Variants in ZHX2 observed in about 807,000 individuals in gnomAD.
ZHX2 encodes zinc fingers and homeoboxes protein 2.
ZHX2 carries 6 observed loss-of-function variants against 21.9 expected under a neutral mutation model. The observed-to-expected ratio is 0.27, with a 90% CI of 0.15 to 0.54. The LOEUF (loss-of-function observed/expected upper bound fraction) is 0.54, where lower values mean the gene tolerates loss of function less well. Among genes scored for constraint, ZHX2 ranks in the 20% least tolerant of loss-of-function variants. The pLI is 0.95. For missense variants in ZHX2, 908 were observed against 1,090.7 expected (o/e 0.83, Z 2.36); for synonymous variants, 434 against 437.1 (o/e 0.99, Z 0.09).
chr8:122,811,447 G>T (rs1446096557), intron 1 of ZHX2, among the ~76,000 whole-genome samples: 1 of 152,192 alleles, frequency 6.6e-6, no homozygotes, highest in Non-Finnish European at 1.5e-5. Context: ...AGAATATGAT[G>T]CAGGTTCACT....
At chr8:122,970,216 G>A (rs1563612619) in intron 3 of ZHX2, among the ~76,000 whole-genome samples, 1 of 152,196 alleles carries the variant, frequency 6.6e-6, no homozygotes, top group Non-Finnish European at 1.5e-5. Context: ...AGGGGAGTTA[G>A]CAAGAGCCAC....
chr8:122,930,381 G>A (rs1563589159), intron 2 of ZHX2, among the ~76,000 whole-genome samples: 2 of 152,222 alleles, frequency 1.3e-5, no homozygotes, highest in African/African-American at 4.8e-5. Flanking sequence ...AGGGATTGCG[G>A]AAGAATGGAC....
intron 2 of ZHX2, among the ~76,000 whole-genome samples, chr8:122,876,019 TCATCCATCCATCCCTCCACCCACCCATC>T (rs946178454): frequency 6.6e-6 from 1 of 151,836 alleles, no homozygotes; most frequent in African/African-American, 2.4e-5. Context: ...TCCATCCCAT[TCATCCATCCATCCCTCCACCCACCCATC>T]CATCCATCCA....
chr8:122,912,850 A>G (rs752627027), intron 2 of ZHX2, among the ~76,000 whole-genome samples: 1 of 151,966 alleles, frequency 6.6e-6, no homozygotes, highest in African/African-American at 2.4e-5. Flanking sequence ...AGGAATTTAG[A>G]TTTAAGAAAA....
In ZHX2 at chr8:122,782,442, CACCGGGACGTGG is replaced by C. The variant is rs1355937647; in HGVS notation, c.-283+497_-283+508del. ...AACGGGGCAGGTCCCGCGGGGACTC[CACCGGGACGTGG>C]CCCCGTCTCCGCGCGTTTTGGCAGG... On this transcript the variant is annotated intron_variant, in intron 1 of 3. Transcript: ENST00000314393. The surrounding 1 kb of genome is among the most constrained non-coding windows in gnomAD (Gnocchi z 5.3). 6.6e-6 allele frequency among the ~76,000 whole-genome samples: 1 copy of C among 152,098 alleles called. No homozygotes were observed. Among genetic ancestry groups the C allele is most frequent in the Non-Finnish European group, 1.5e-5 (1 of 67,990 alleles).
chr8:122,789,391 C>G (rs1246543637), intron 1 of ZHX2, among the ~76,000 whole-genome samples: 1 of 152,236 alleles, frequency 6.6e-6, no homozygotes, highest in East Asian at 1.9e-4. Flanking sequence ...CCCACCAGCC[C>G]CTGGGTGTAC....
chr8:122,881,228 C>A (rs192815658), intron 2 of ZHX2, among the ~76,000 whole-genome samples: 2 of 152,294 alleles, frequency 1.3e-5, no homozygotes, highest in Non-Finnish European at 2.9e-5. Context: ...GACATTGGAG[C>A]CTTTTAACTC....
chr8:122,877,685 C>G (rs879757690), intron 2 of ZHX2, among the ~76,000 whole-genome samples: 1 of 152,108 alleles, frequency 6.6e-6, no homozygotes, highest in Non-Finnish European at 1.5e-5. Context: ...GGAGGCCTGT[C>G]CCGGGGAAGT....
chr8:122,951,640 A>G lies in ZHX2; in HGVS notation c.130A>G (p.Lys44Glu). ...GIGTPQPDVA[K>E]DSWAAELENS... is the part of the protein sequence containing the mutation. ...CGGCACACCACAGCCTGACGTGGCC[A>G]AGGACAGTTGGGCAGCAGAACTTGA... The change falls in exon 3 of 4, where the codon AAG becomes GAG. Residue 44 changes from lysine to glutamate, a missense_variant. Physicochemically the swap from Lys to Glu is moderately conservative, Grantham distance 56. This residue lies in a region of ZHX2 where 220 missense variants were observed against 251.4 expected (regional missense o/e 0.88). Transcript: ENST00000314393. 1.2e-6 allele frequency: 2 copies of G among 1,614,072 alleles called. No homozygotes were observed. The highest frequency in any genetic ancestry group is 8.5e-7 in the Non-Finnish European group (1 of 1,180,004).
At chr8:122,868,754 A>G (rs188356595) in intron 2 of ZHX2, among the ~76,000 whole-genome samples, 7 of 151,906 alleles carry the variant, frequency 4.6e-5, no homozygotes, top group African/African-American at 1.7e-4. Flanking sequence ...CCTATGGTCA[A>G]GAGGCTGAGG....
At chr8:122,870,493 G>T (rs917856412) in intron 2 of ZHX2, among the ~76,000 whole-genome samples, 2 of 151,636 alleles carry the variant, frequency 1.3e-5, no homozygotes, top group African/African-American at 2.4e-5. Flanking sequence ...AAAAAAAATA[G>T]CTGGGCGTAG....
At chr8:122,965,243 C>T (rs1813552087) in intron 3 of ZHX2, among the ~76,000 whole-genome samples, 1 of 151,744 alleles carries the variant, frequency 6.6e-6, no homozygotes, top group Admixed American at 6.6e-5. Flanking sequence ...TGAGTTTAGG[C>T]TGTTTATTTG....
chr8:122,925,609 C>T (rs190235022), intron 2 of ZHX2, among the ~76,000 whole-genome samples: 27 of 152,240 alleles, frequency 1.8e-4, no homozygotes, highest in African/African-American at 6.0e-4. Context: ...TTTGAAGATA[C>T]GCAAGAGGTT....
At chr8:122,968,486 G>T (rs1813639427) in intron 3 of ZHX2, among the ~76,000 whole-genome samples, 1 of 152,098 alleles carries the variant, frequency 6.6e-6, no homozygotes, top group Non-Finnish European at 1.5e-5. Flanking sequence ...TTAAATTCTA[G>T]TTAAAAATCA....
At chr8:122,931,330 T>C (rs1820988136) in intron 2 of ZHX2, among the ~76,000 whole-genome samples, 1 of 152,160 alleles carries the variant, frequency 6.6e-6, no homozygotes, top group African/African-American at 2.4e-5. Context: ...TGTTTCTCCC[T>C]ATTAGCCTTG....
At chr8:122,803,983 C>T (rs112497322) in intron 1 of ZHX2, among the ~76,000 whole-genome samples, 2 of 152,186 alleles carry the variant, frequency 1.3e-5, no homozygotes, top group African/African-American at 2.4e-5. Context: ...AGAATAGTGC[C>T]TGGTGCCTGG....
At chr8:122,801,171 G>A (rs963400193) in intron 1 of ZHX2, among the ~76,000 whole-genome samples, 2 of 152,068 alleles carry the variant, frequency 1.3e-5, no homozygotes, top group Non-Finnish European at 2.9e-5. Flanking sequence ...GAAAAAATTC[G>A]TAATTCTAGG....
intron 2 of ZHX2, among the ~76,000 whole-genome samples, chr8:122,870,552 T>C (rs2129687995): frequency 6.9e-6 from 1 of 144,968 alleles, no homozygotes; most frequent in South Asian, 2.2e-4. Context: ...GACATGAGAA[T>C]TGCTTGAACT....
intron 1 of ZHX2, among the ~76,000 whole-genome samples, chr8:122,800,598 A>G (rs1321747830): frequency 6.6e-6 from 1 of 152,248 alleles, no homozygotes; most frequent in Admixed American, 6.5e-5. Context: ...GCAAGCACTT[A>G]GAGACTTGGC....
Sources: gnomAD v4.1 joint callset for allele counts (sites outside exome capture counted in the v4.1 genomes callset) on GRCh38, gnomAD v4.1.1 for gene constraint, gnomAD v4.1.1 regional missense constraint, Gnocchi (gnomAD v3.1) non-coding constraint, MANE v1.5 for transcripts, NCBI Gene and HGNC (gene_info 2026-07-23, HGNC 2026-07-21) for gene names.